Variants in XPR1 observed in about 807,000 individuals in gnomAD.
XPR1 encodes xenotropic and polytropic retrovirus receptor 1, also known as solute carrier family 53 member 1.
In XPR1, 28 loss-of-function variants were observed where a neutral mutation model predicts 87.5. That is an observed-to-expected ratio of 0.32 (90% CI 0.24 to 0.44). The LOEUF (loss-of-function observed/expected upper bound fraction) is 0.44, where lower values mean the gene tolerates loss of function less well. XPR1 is among the 20% of genes least tolerant of loss of function. The pLI is 1.00. For missense variants in XPR1, 559 were observed against 862.3 expected (o/e 0.65, Z 4.41); for synonymous variants, 300 against 306.1 (o/e 0.98, Z 0.21).
At chr1:180,764,426 T>TC (rs1376542082) in intron 2 of XPR1, among the ~76,000 whole-genome samples, 1 of 151,896 alleles carries the variant, frequency 6.6e-6, no homozygotes, top group Non-Finnish European at 1.5e-5. Flanking sequence ...AAACCTGTAA[T>TC]CTTTTTTTTT....
chr1:180,678,546 AT>A (rs1329399376), intron 1 of XPR1, among the ~76,000 whole-genome samples: 1 of 152,232 alleles, frequency 6.6e-6, no homozygotes, highest in Non-Finnish European at 1.5e-5. Context: ...TAAGTAGTGA[AT>A]ATTACTGAAT....
intron 2 of XPR1, among the ~76,000 whole-genome samples, chr1:180,765,858 G>T (rs1648264695): frequency 6.6e-6 from 1 of 151,718 alleles, no homozygotes; most frequent in African/African-American, 2.4e-5. Context: ...GAACTTTTTA[G>T]TGTATTGGTA....
chr1:180,649,729 C>T (rs1557938237), intron 1 of XPR1, among the ~76,000 whole-genome samples: 1 of 152,192 alleles, frequency 6.6e-6, no homozygotes, highest in Non-Finnish European at 1.5e-5. Context: ...ATCTGTGTTT[C>T]TCATCTCTGC....
chr1:180,694,398 A>C (rs1227837987), intron 2 of XPR1, among the ~76,000 whole-genome samples: 2 of 152,228 alleles, frequency 1.3e-5, no homozygotes, highest in African/African-American at 4.8e-5. Flanking sequence ...AATGGTGTCA[A>C]AGAAATATTC....
At chr1:180,813,913 C>A (rs1189319924) in intron 7 of XPR1, among the ~76,000 whole-genome samples, 1 of 152,112 alleles carries the variant, frequency 6.6e-6, no homozygotes, top group Non-Finnish European at 1.5e-5. Flanking sequence ...AAATAGATGT[C>A]ATTATTTGAA....
rs544054386 is a variant in XPR1 at position 180,728,324 on chromosome 1, T to C, written c.121+45913T>C. On this transcript the variant is annotated intron_variant, in intron 2 of 14. Coordinates refer to ENST00000367590, the MANE Select transcript of XPR1 (RefSeq NM_004736.4). ...GGGGGGGGGGTAGTAATGAAAACTA[T>C]GTTGATGGGGCTACAAGCTGTGGGC... 3.5e-3 allele frequency among the ~76,000 whole-genome samples: 499 copies of C among 142,598 alleles called. 5 individuals carry two copies. Among genetic ancestry groups the C allele is most frequent in the Middle Eastern group, 0.014 (4 of 278 alleles). 93.5% of individuals were successfully genotyped at this position (142,598 alleles called of 152,430 possible). A position where few individuals can be genotyped will look rare whatever the true frequency, so the allele number is the denominator to read the frequency against.
At chr1:180,792,037 T>C (rs1649408715) in intron 3 of XPR1, among the ~76,000 whole-genome samples, 1 of 152,194 alleles carries the variant, frequency 6.6e-6, no homozygotes, top group South Asian at 2.1e-4. Flanking sequence ...CAGGAAGTGG[T>C]AGGTAATACG....
At chr1:180,758,901 A>G (rs1647870011) in intron 2 of XPR1, 1 of 152,354 alleles carries the variant, frequency 6.6e-6, no homozygotes, top group South Asian at 2.1e-4. Flanking sequence ...AAGAACAGAA[A>G]TTATAACAAA....
At chr1:180,725,253 A>G (rs1658299055) in intron 2 of XPR1, among the ~76,000 whole-genome samples, 2 of 152,178 alleles carry the variant, frequency 1.3e-5, no homozygotes, top group South Asian at 4.1e-4. Context: ...TGCATTTTAA[A>G]TGTTATTTTT....
chr1:180,855,642 G>A (rs1437308167), intron 11 of XPR1, among the ~76,000 whole-genome samples: 3 of 145,884 alleles, frequency 2.1e-5, no homozygotes, highest in Admixed American at 6.9e-5. Flanking sequence ...CCAGCCTGGC[G>A]ACAGAGTGAG....
chr1:180,794,616 A>G (rs1416486405), intron 3 of XPR1, among the ~76,000 whole-genome samples: 2 of 152,198 alleles, frequency 1.3e-5, no homozygotes, highest in East Asian at 3.8e-4. Flanking sequence ...AGAAAGTGGG[A>G]TTGAGGAAAA....
At chr1:180,765,449 C>G (rs1648245860) in intron 2 of XPR1, among the ~76,000 whole-genome samples, 1 of 152,180 alleles carries the variant, frequency 6.6e-6, no homozygotes, top group African/African-American at 2.4e-5. Flanking sequence ...ACTACTAGAT[C>G]TTTCTTAGCC....
At chr1:180,798,601 T>C (rs534621727) in intron 3 of XPR1, among the ~76,000 whole-genome samples, 1 of 152,188 alleles carries the variant, frequency 6.6e-6, no homozygotes, top group African/African-American at 2.4e-5. Context: ...TTTTATTAAT[T>C]GCTGTAGGGT....
At chr1:180,750,945 T>C (rs1647509237) in intron 2 of XPR1, among the ~76,000 whole-genome samples, 1 of 152,070 alleles carries the variant, frequency 6.6e-6, no homozygotes, top group Non-Finnish European at 1.5e-5. Context: ...TAGTTTTCCA[T>C]GTAGTTTTAG....
intron 1 of XPR1, among the ~76,000 whole-genome samples, chr1:180,664,941 C>A (rs1655909034): frequency 6.6e-6 from 1 of 152,218 alleles, no homozygotes; most frequent in Admixed American, 6.5e-5. Context: ...CTGTGAGAAT[C>A]TAATGCTGCC....
intron 2 of XPR1, among the ~76,000 whole-genome samples, chr1:180,778,676 C>G (rs943868982): frequency 4.6e-5 from 7 of 151,982 alleles, no homozygotes; most frequent in African/African-American, 1.7e-4. Context: ...TCCCTTTGTC[C>G]CCTGAAAGAC....
chr1:180,715,060 A>G (rs1432976443), intron 2 of XPR1, among the ~76,000 whole-genome samples: 1 of 152,216 alleles, frequency 6.6e-6, no homozygotes, highest in African/African-American at 2.4e-5. Context: ...ATATGGGAAA[A>G]GGGAGAACAA....
chr1:180,644,937 C>G (rs192818949), intron 1 of XPR1, among the ~76,000 whole-genome samples: 6 of 152,092 alleles, frequency 3.9e-5, no homozygotes, highest in African/African-American at 1.2e-4. Flanking sequence ...CAGTGACACA[C>G]AAAGTGTGTT....
chr1:180,842,994 A>G (rs564871422), intron 11 of XPR1, among the ~76,000 whole-genome samples: 11 of 152,328 alleles, frequency 7.2e-5, no homozygotes, highest in Admixed American at 4.6e-4. Flanking sequence ...TTGTTTTCCA[A>G]TGCCCAGATC....
Sources: gnomAD v4.1 joint callset for allele counts (sites outside exome capture counted in the v4.1 genomes callset) on GRCh38, gnomAD v4.1.1 for gene constraint, MANE v1.5 for transcripts, NCBI Gene and HGNC (gene_info 2026-07-23, HGNC 2026-07-21) for gene names.